Variants in TOMM20L observed in about 807,000 individuals in gnomAD.
TOMM20L encodes TOMM20-like protein 1.
TOMM20L carries 19 observed loss-of-function variants against 20.4 expected under a neutral mutation model. That is an observed-to-expected ratio of 0.93 (90% confidence interval 0.65 to 1.36). The LOEUF (loss-of-function observed/expected upper bound fraction) is 1.36, where lower values mean the gene tolerates loss of function less well. Ranked by LOEUF, TOMM20L falls within the 40% of genes most tolerant of loss-of-function variation. TOMM20L has a pLI of 0.00. For missense variants in TOMM20L, 218 were observed against 203.7 expected (o/e 1.07, Z -0.43); for synonymous variants, 75 against 79.6 (o/e 0.94, Z 0.30).
At chr14:58,397,639 A>C (rs989255282) in intron 2 of TOMM20L, among the ~76,000 whole-genome samples, 3 of 152,196 alleles carry the variant, frequency 2.0e-5, no homozygotes, top group Non-Finnish European at 4.4e-5. Context: ...GGCATCTGCC[A>C]AGCACATTCA....
At chr14:58,396,168 TGA>T (rs2035914211) in intron 1 of TOMM20L, 75 bp downstream of exon 1, 1 of 1,334,404 alleles carries the variant, frequency 7.5e-7, no homozygotes, top group Non-Finnish European at 9.6e-7. Context: ...GGCCCCCCAC[TGA>T]GAGGCCGGGC....
chr14:58,396,274 G>C (rs759540691), intron 1 of TOMM20L, 24 bp from the exon 2 acceptor site: 1 of 1,612,542 alleles, frequency 6.2e-7, no homozygotes, highest in Non-Finnish European at 8.5e-7. Context: ...CTCCCAGCCA[G>C]CATGTGCCGT....
rs1218253963 is a variant in TOMM20L, at chr14:58,399,889, T to C, written c.181-2791T>C. ...TTATTTTCAAATGCTCTATTGCATA[T>C]ATATATATATATATATATATATATA... On this transcript the variant is annotated intron_variant, in intron 2 of 4. Coordinates refer to ENST00000360945, the MANE Select transcript of TOMM20L (RefSeq NM_207377.3). Among the ~76,000 whole-genome samples, 3 of 97,936 alleles carry C rather than the reference T, an allele frequency of 3.1e-5. No individual in the cohort carries two copies. In the South Asian group the frequency reaches 1.1e-3, roughly 37 times the overall value. 64.2% of individuals were successfully genotyped at this position (97,936 alleles called of 152,430 possible). A position where few individuals can be genotyped will look rare whatever the true frequency, so the allele number is the denominator to read the frequency against.
intron 2 of TOMM20L, among the ~76,000 whole-genome samples, chr14:58,400,498 C>T (rs1464159923): frequency 6.6e-6 from 1 of 151,012 alleles, no homozygotes; most frequent in African/African-American, 2.4e-5. Flanking sequence ...TTCCGATTGA[C>T]TGCCTTATTT....
At chr14:58,405,106 T>G (rs1293280436) in intron 3 of TOMM20L, among the ~76,000 whole-genome samples, 1 of 152,022 alleles carries the variant, frequency 6.6e-6, no homozygotes, top group Non-Finnish European at 1.5e-5. Context: ...GTAGCTGGGA[T>G]TACAGGCGTG....
the TOMM20L span, among the ~76,000 whole-genome samples, chr14:58,414,620 C>T: frequency 2.6e-5 from 4 of 151,624 alleles, no homozygotes; most frequent in Admixed American, 2.6e-4. Context: ...TGCCTGTAAT[C>T]CCAGCTACTC....
At chr14:58,396,868 C>T (rs986423598) in intron 2 of TOMM20L, among the ~76,000 whole-genome samples, 1 of 152,170 alleles carries the variant, frequency 6.6e-6, no homozygotes, top group African/African-American at 2.4e-5. Context: ...GCAAGGCGGG[C>T]AGATCACGTG....
downstream of TOMM20L, chr14:58,409,121 T>G: frequency 1.9e-6 from 3 of 1,613,892 alleles, no homozygotes; most frequent in Non-Finnish European, 2.5e-6. Context: ...TGGATATTCT[T>G]TGTGTCATTT....
Position 58,395,955 on chromosome 14 carries a change from C to A in TOMM20L, c.-3C>A. The A allele has an allele frequency of 2.8e-6, 4 of 1,411,984 alleles. No homozygotes were observed. Among genetic ancestry groups the A allele is most frequent in the South Asian group, 3.3e-5 (2 of 59,874 alleles). 87.5% of individuals were successfully genotyped at this position (1,411,984 alleles called of 1,614,324 possible). On this transcript the variant is annotated 5_prime_UTR_variant, in exon 1 of 5. Transcript: ENST00000360945. ...GCTCGGCTTGTGGGACGCCCGCGGTCGGATGCCCTCCGTCCGCTCCCTCCT... is the reference window on the plus strand; with the variant it reads ...GCTCGGCTTGTGGGACGCCCGCGGTAGGATGCCCTCCGTCCGCTCCCTCCT...
At chr14:58,403,847 A>T (rs1156378609) in intron 3 of TOMM20L, among the ~76,000 whole-genome samples, 2 of 151,196 alleles carry the variant, frequency 1.3e-5, no homozygotes, top group African/African-American at 4.9e-5. Flanking sequence ...CAAAAATTAA[A>T]TAAATAAATA....
downstream of TOMM20L, among the ~76,000 whole-genome samples, chr14:58,409,443 G>A (rs1434520262): frequency 6.6e-6 from 1 of 152,172 alleles, no homozygotes; most frequent in Non-Finnish European, 1.5e-5. Flanking sequence ...TTTTCTGCAA[G>A]TGTATTAAGT....
At chr14:58,402,594 G>A in intron 2 of TOMM20L, 86 bp from the exon 3 acceptor site, 2 of 1,112,670 alleles carry the variant, frequency 1.8e-6, no homozygotes, top group Non-Finnish European at 1.3e-6. Context: ...GGCCCAAGAT[G>A]TCCTTTTTAA....
chr14:58,400,965 A>G (rs1387930932), intron 2 of TOMM20L, among the ~76,000 whole-genome samples: 1 of 152,208 alleles, frequency 6.6e-6, no homozygotes, highest in African/African-American at 2.4e-5. Flanking sequence ...CGTTGCTTAT[A>G]CTTTCCTCAT....
intron 3 of TOMM20L, among the ~76,000 whole-genome samples, chr14:58,403,843 TTAAATAAATAAA>T (rs1045320144): frequency 2.1e-4 from 32 of 150,676 alleles, no homozygotes; most frequent in African/African-American, 7.5e-4. Flanking sequence ...GGCTCAAAAA[TTAAATAAATAAA>T]TAAATAAATA....
downstream of TOMM20L, chr14:58,409,068 G>T (rs778415722): frequency 3.7e-6 from 6 of 1,613,694 alleles, no homozygotes; most frequent in Non-Finnish European, 4.2e-6. Flanking sequence ...TGCTTTGGCT[G>T]CCAGGGCTTC....
At chr14:58,406,183 T>C (rs1407249853) in intron 3 of TOMM20L, among the ~76,000 whole-genome samples, 4 of 152,234 alleles carry the variant, frequency 2.6e-5, no homozygotes, top group Non-Finnish European at 4.4e-5. Flanking sequence ...TTGATTGAAA[T>C]TTCTGAGTAG....
intron 3 of TOMM20L, among the ~76,000 whole-genome samples, chr14:58,404,948 G>T (rs1051814014): frequency 3.3e-5 from 5 of 151,840 alleles, no homozygotes; most frequent in African/African-American, 1.2e-4. Context: ...ATTTGCATAG[G>T]CCTCTAAGGC....
At chr14:58,399,078 G>A (rs1311152449) in intron 2 of TOMM20L, 1 of 152,210 alleles carries the variant, frequency 6.6e-6, no homozygotes, top group Non-Finnish European at 1.5e-5. Context: ...ACAGAGATGG[G>A]TTTCGCAACA....
chr14:58,416,291 C>T, the TOMM20L span, among the ~76,000 whole-genome samples: 7 of 152,004 alleles, frequency 4.6e-5, no homozygotes, highest in Non-Finnish European at 1.0e-4. Flanking sequence ...TTGAAAGCAG[C>T]AAGTGAAAAA....
Sources: allele counts gnomAD v4.1 joint callset (sites outside exome capture counted in the v4.1 genomes callset), GRCh38; gene constraint gnomAD v4.1.1; transcripts MANE v1.5; gene names NCBI Gene and HGNC (gene_info 2026-07-23, HGNC 2026-07-21).